CEP68: variants seen among roughly 807,000 people sequenced by gnomAD.
CEP68 encodes centrosomal protein 68.
Under a neutral mutation model 55.3 loss-of-function variants are expected in CEP68, and 26 were observed. The ratio of observed to expected loss-of-function variants is 0.47; its 90% CI spans 0.34 to 0.65. CEP68 has a LOEUF of 0.65. CEP68 is among the 30% of genes least tolerant of loss of function. The probability of loss-of-function intolerance (pLI) is 0.01; values close to 1 mark genes in which losing one functional copy is unlikely to be tolerated. For synonymous variants in CEP68, 402 were observed against 383.2 expected (o/e 1.05, Z -0.57); for missense variants, 957 against 946.7 (o/e 1.01, Z -0.14).
At position 65,072,987 on chromosome 2, in the gene CEP68, ACACT is replaced by A; in HGVS notation, c.1884+10_1884+13del. On this transcript the variant is annotated splice_region_variant and intron_variant, in intron 3 of 6. Transcript: ENST00000377990. ...ACTGGTGCAATGTGTGAAGGTAATG[ACACT>A]CAACGTTAGGAAGCTTTGTGTACAG... 6.2e-7 allele frequency: 1 copy of A among 1,614,178 alleles called. No homozygotes were observed. The highest frequency in any genetic ancestry group is 1.7e-5 in the Admixed American group (1 of 60,032).
rs375337582 is a variant in CEP68 at position 65,072,838 on chromosome 2, G to T, written c.1742G>T (p.Gly581Val). 1.5e-5 allele frequency: 25 copies of T among 1,614,088 alleles called. No homozygotes were observed. In the African/African-American group the frequency reaches 3.2e-4, roughly 21 times the overall value. Residue 581 changes from glycine to valine, a missense_variant, in exon 3 of 7, where the codon GGG becomes GTG. Transcript: ENST00000377990. ...AGTCTGGGGAGCAGCCAGGCCCTCGGGGTCTCCTCTGGACTGCTGAAAACA... is the reference window on the plus strand; with the variant it reads ...AGTCTGGGGAGCAGCCAGGCCCTCGTGGTCTCCTCTGGACTGCTGAAAACA... ...EGSLGSSQAL[G>V]VSSGLLKTRP...
chr2:65,078,086 C>A (rs750106053), intron 5 of CEP68, 122 bp downstream of exon 5: 2 of 654,148 alleles, frequency 3.1e-6, no homozygotes, highest in Admixed American at 2.9e-5. Flanking sequence ...ACCCACTGCC[C>A]GAGATGCCCC....
intron 1 of CEP68, among the ~76,000 whole-genome samples, chr2:65,062,726 A>G (rs6743675): frequency 0.068 from 10,068 of 148,526 alleles, 419 homozygotes; most frequent in African/African-American, 0.12. Context: ...AATCCCAGCC[A>G]TTTGGGAGGC....
At chr2:65,079,173 G>A (rs1676895912) in intron 5 of CEP68, among the ~76,000 whole-genome samples, 1 of 152,190 alleles carries the variant, frequency 6.6e-6, no homozygotes, top group Admixed American at 6.5e-5. Flanking sequence ...AGGTCCCACG[G>A]GCTTGAGAGG....
chr2:65,067,357 C>T (rs1676243712), intron 1 of CEP68, among the ~76,000 whole-genome samples: 1 of 151,696 alleles, frequency 6.6e-6, no homozygotes, highest in Non-Finnish European at 1.5e-5. Flanking sequence ...TCTATCTAGC[C>T]TGGGTGATGG....
At chr2:65,077,055 G>C (rs1021267073) in intron 4 of CEP68, among the ~76,000 whole-genome samples, 5 of 132,846 alleles carry the variant, frequency 3.8e-5, no homozygotes, top group Admixed American at 8.8e-5. Flanking sequence ...GAGTGCAATG[G>C]TGTGATCTCG....
In CEP68 at chr2:65,086,755, G is replaced by A. The variant is rs897043643; in HGVS notation, c.*3121G>A. On this transcript the variant is annotated 3_prime_UTR_variant, in exon 7 of 7. Coordinates refer to ENST00000377990, the MANE Select transcript of CEP68 (RefSeq NM_015147.3). ...GTATTAAGGCAAAAACAAAACTTCT[G>A]AAGCATTAAAGATCTTCACCAAAAT... is the stretch of plus-strand genomic sequence containing the variant. The A allele has an allele frequency of 1.3e-5, 2 of 152,562 alleles. No individual in the cohort carries two copies. Among genetic ancestry groups the A allele is most frequent in the Non-Finnish European group, 2.9e-5 (2 of 68,014 alleles). The allele number at this position is 152,562 out of a possible 1,614,324, so 9.5% of individuals were successfully genotyped here.
rs938637448 is a variant in CEP68, at chr2:65,086,144, A to C, written c.*2510A>C. 5.3e-5 allele frequency: 8 copies of C among 152,224 alleles called. No homozygotes were observed. Among genetic ancestry groups the C allele is most frequent in the Non-Finnish European group, 1.2e-4 (8 of 68,032 alleles). The allele number at this position is 152,224 out of a possible 1,614,324, so 9.4% of individuals were successfully genotyped here. ...AAGGTTTGAGGTAAGATATGCTGGA[A>C]AGGCAAGATGTAGGCTAAGGGAAAT... On this transcript the variant is annotated 3_prime_UTR_variant, in exon 7 of 7. Transcript: ENST00000377990.
Position 65,085,178 on chromosome 2 carries a change from G to T in CEP68, c.*1544G>T, listed in dbSNP as rs1668992470. On this transcript the variant is annotated 3_prime_UTR_variant, in exon 7 of 7. Coordinates refer to ENST00000377990, the MANE Select transcript of CEP68 (RefSeq NM_015147.3). The stretch of plus-strand genomic sequence containing the variant: ...TATTTACTAATATTTGACAGGCATA[G>T]AAGTGTATTAATTAGCATAAAAGTT... 1 of 152,158 alleles carries T rather than the reference G, an allele frequency of 6.6e-6. No homozygotes were observed. Among genetic ancestry groups the T allele is most frequent in the African/African-American group, 2.4e-5 (1 of 41,436 alleles). 9.4% of individuals were successfully genotyped at this position (152,158 alleles called of 1,614,324 possible).
At position 65,072,301 on chromosome 2, in the gene CEP68, G is replaced by A; in HGVS notation, c.1205G>A (p.Arg402Lys). ...ASWSQLASTP[R>K]APGSRDARWE... ...TGGAGCCAACTTGCATCTACCCCCA[G>A]AGCCCCAGGCAGTAGGGATGCTCGT... is the stretch of plus-strand genomic sequence containing the variant. The change falls in exon 3 of 7, where the codon AGA (arginine) becomes AAA (lysine). Residue 402 changes from arginine (R) to lysine (K), a missense_variant. Physicochemically the swap from Arg to Lys is conservative, Grantham distance 26. Coordinates refer to ENST00000377990, the MANE Select transcript of CEP68 (RefSeq NM_015147.3). The A allele has an allele frequency of 6.2e-7, 1 of 1,614,010 alleles. No homozygotes were observed. Among genetic ancestry groups the A allele is most frequent in the East Asian group, 2.2e-5 (1 of 44,852 alleles).
At position 65,074,519 on chromosome 2, in the gene CEP68, A is replaced by G. The variant is rs367550523; in HGVS notation, c.2007+115A>G. ...CTGGTATGTTATAGCTCAGTTGACT[A>G]TTATACCTGAAATCTAATTAGAGCT... On this transcript the variant is annotated intron_variant, in intron 4 of 6. Transcript: ENST00000377990. 1.1e-4 allele frequency: 163 copies of G among 1,430,324 alleles called. 1 individual carries two copies. The East Asian group carries it at 2.7e-3, about 24-fold the overall frequency. The allele number at this position is 1,430,324 out of a possible 1,614,324, so 88.6% of individuals were successfully genotyped here.
At chr2:65,083,095 T>C (rs1197654185) in intron 6 of CEP68, among the ~76,000 whole-genome samples, 1 of 152,086 alleles carries the variant, frequency 6.6e-6, no homozygotes, top group Non-Finnish European at 1.5e-5. Context: ...TGCAGGATCT[T>C]CTCCCCAGCT....
At chr2:65,082,304 G>GAGTC (rs2103804560) in intron 5 of CEP68, among the ~76,000 whole-genome samples, 1 of 152,286 alleles carries the variant, frequency 6.6e-6, no homozygotes, top group African/African-American at 2.4e-5. Flanking sequence ...TTTCAAAGTG[G>GAGTC]AGTCAGTGAG....
At chr2:65,066,135 T>C (rs949850433) in intron 1 of CEP68, among the ~76,000 whole-genome samples, 4 of 152,038 alleles carry the variant, frequency 2.6e-5, no homozygotes, top group African/African-American at 7.2e-5. Context: ...ACCAGGACCA[T>C]GTAGTCAGCC....
intron 2 of CEP68, 198 bp from the exon 3 acceptor site, chr2:65,071,256 C>A: frequency 1.7e-6 from 1 of 589,568 alleles, no homozygotes; most frequent in Non-Finnish European, 3.0e-6. Flanking sequence ...AGTCATCTTG[C>A]TTCCCAGACA....
At chr2:65,063,468 A>AGAACC (rs1329948665) in intron 1 of CEP68, among the ~76,000 whole-genome samples, 1 of 152,242 alleles carries the variant, frequency 6.6e-6, no homozygotes, top group African/African-American at 2.4e-5. Context: ...GTGTGATCCG[A>AGAACC]GAACGGGAGG....
intron 1 of CEP68, 30 bp from the exon 2 acceptor site, chr2:65,069,369 T>C: frequency 8.9e-7 from 1 of 1,120,294 alleles, no homozygotes; most frequent in Non-Finnish European, 1.3e-6. Flanking sequence ...AGAAGATTTA[T>C]ATTTTTCTCT....
intron 5 of CEP68, among the ~76,000 whole-genome samples, chr2:65,081,211 CAAA>C (rs3052193): frequency 1.9e-3 from 277 of 142,890 alleles, no homozygotes; most frequent in Non-Finnish European, 1.9e-3. Context: ...GACTCCATCT[CAAA>C]AAAAAAAAAA....
intron 4 of CEP68, 159 bp downstream of exon 4, chr2:65,074,563 A>C: frequency 7.6e-6 from 8 of 1,047,670 alleles, no homozygotes; most frequent in Non-Finnish European, 1.2e-5. Context: ...TTAAAGCGGA[A>C]CGCTTTGTAA....
Sources: allele counts gnomAD v4.1 joint callset (sites outside exome capture counted in the v4.1 genomes callset), GRCh38; gene constraint gnomAD v4.1.1; transcripts MANE v1.5; gene names NCBI Gene and HGNC (gene_info 2026-07-23, HGNC 2026-07-21).